IDH1: variants seen among roughly 807,000 people sequenced by gnomAD.
IDH1 encodes the protein isocitrate dehydrogenase [NADP] cytoplasmic.
IDH1 carries 33 observed loss-of-function variants against 46.1 expected under a neutral mutation model. That is an observed-to-expected ratio of 0.72 (90% CI 0.54 to 0.96). IDH1 has a LOEUF of 0.96. Ranked by LOEUF, IDH1 falls within the 40% of genes least tolerant of loss-of-function variation. IDH1 has a pLI of 0.00. For missense variants in IDH1, 421 were observed against 515.7 expected, an observed-to-expected ratio of 0.82 and a Z score of 1.78; for synonymous variants, 144 against 172.8, an observed-to-expected ratio of 0.83 and a Z score of 1.31.
intron 8 of IDH1, 127 bp downstream of exon 8, chr2:208,239,736 T>A: frequency 1.1e-6 from 1 of 880,916 alleles, no homozygotes. Flanking sequence ...AAATAGATCT[T>A]ACTAGTAGAA....
intron 7 of IDH1, 40 bp from the exon 8 acceptor site, chr2:208,240,043 T>C (rs750036692): frequency 6.2e-7 from 1 of 1,609,328 alleles, no homozygotes; most frequent in Non-Finnish European, 8.5e-7. Flanking sequence ...TCCAACTGCA[T>C]GAAGAGCACT....
intron 2 of IDH1, among the ~76,000 whole-genome samples, chr2:208,253,470 A>G (rs1435640486): frequency 2.0e-5 from 3 of 152,212 alleles, no homozygotes; most frequent in African/African-American, 7.2e-5. Context: ...TCTCCAACCC[A>G]ATCCCAACTT....
At chr2:208,245,247 A>G in intron 5 of IDH1, 72 bp downstream of exon 5, 1 of 863,018 alleles carries the variant, frequency 1.2e-6, no homozygotes, top group African/African-American at 1.7e-5. Flanking sequence ...TAACTAACAA[A>G]AAAAGCAATA....
intron 6 of IDH1, 100 bp downstream of exon 6, chr2:208,243,327 C>T: frequency 1.0e-6 from 1 of 961,546 alleles, no homozygotes; most frequent in Non-Finnish European, 1.6e-6. Context: ...GATTTTCACT[C>T]AATTTACCCA....
intron 3 of IDH1, among the ~76,000 whole-genome samples, chr2:208,248,986 A>G (rs1320658078): frequency 6.6e-6 from 1 of 152,212 alleles, no homozygotes; most frequent in African/African-American, 2.4e-5. Context: ...GTTTCTCTCC[A>G]TATAATTAGT....
chr2:208,246,434 A>G (rs1688023699), intron 4 of IDH1, among the ~76,000 whole-genome samples: 1 of 152,184 alleles, frequency 6.6e-6, no homozygotes, highest in Non-Finnish European at 1.5e-5. Context: ...TTTGACATAT[A>G]AAATCCATAA....
intron 4 of IDH1, among the ~76,000 whole-genome samples, chr2:208,245,685 AAGCCACTTTCCTTTAGG>A (rs1406035382): frequency 5.9e-5 from 9 of 151,654 alleles, no homozygotes; most frequent in Admixed American, 5.9e-4. Flanking sequence ...AGAATAACAT[AAGCCACTTTCCTTTAGG>A]AAGTTTACAA....
chr2:208,242,032 T>A lies in IDH1; in HGVS notation c.812A>T (p.Asn271Ile). The change falls in exon 7 of 10, where the codon AAC (asparagine) becomes ATC (isoleucine). Residue 271 changes from asparagine (N) to isoleucine (I), a missense_variant. Asn to Ile is a moderately radical substitution (Grantham distance 149). Transcript: ENST00000345146. ...SEGGFIWACK[N>I]YDGDVQSDSV... ...GTCCGACTGCACGTCACCATCATAG[T>A]TTTTACAGGCCCAGATGAAGCCTCC... 1 of 1,612,850 alleles carries A rather than the reference T, an allele frequency of 6.2e-7. No individual in the cohort carries two copies. The highest frequency in any genetic ancestry group is 1.1e-5 in the South Asian group (1 of 91,012).
intron 5 of IDH1, among the ~76,000 whole-genome samples, chr2:208,244,390 A>T (rs898360846): frequency 6.6e-6 from 1 of 152,230 alleles, no homozygotes; most frequent in African/African-American, 2.4e-5. Flanking sequence ...AATTCCCAAC[A>T]TCTATTTTAA....
intron 4 of IDH1, 150 bp downstream of exon 4, chr2:208,248,219 T>C: frequency 1.5e-6 from 1 of 670,342 alleles, no homozygotes; most frequent in Non-Finnish European, 2.6e-6. Flanking sequence ...TGTGTAAATA[T>C]ACAGTTATAC....
In IDH1 at chr2:208,240,094, T is replaced by C. The variant is rs544639859; in HGVS notation, c.851-91A>G. Reference sequence around the variant, plus strand: ...GAGAGCATAAATGACTCAATCTTGATAGGTCTTGGTAAGCAAAGTAAACAA... The same window carrying C: ...GAGAGCATAAATGACTCAATCTTGACAGGTCTTGGTAAGCAAAGTAAACAA... On this transcript the variant is annotated intron_variant, in intron 7 of 9. Coordinates refer to ENST00000345146, the MANE Select transcript of IDH1 (RefSeq NM_005896.4). 31 of 1,374,138 alleles carry C rather than the reference T, an allele frequency of 2.3e-5. No individual in the cohort carries two copies. In the East Asian group the frequency reaches 2.3e-4, roughly 10 times the overall value. The allele number at this position is 1,374,138 out of a possible 1,614,324, so 85.1% of individuals were successfully genotyped here.
intron 6 of IDH1, 77 bp downstream of exon 6, chr2:208,243,350 T>C (rs1024294051): frequency 2.8e-6 from 3 of 1,084,624 alleles, no homozygotes; most frequent in East Asian, 2.4e-5. Context: ...ATCATAGGGA[T>C]AGGGAGATAC....
chr2:208,252,547 T>A (rs756508327), intron 2 of IDH1, among the ~76,000 whole-genome samples: 2 of 152,226 alleles, frequency 1.3e-5, no homozygotes, highest in African/African-American at 2.4e-5. Context: ...AGTTATCTAT[T>A]CCTTCTAATG....
At chr2:208,254,670 C>CG in intron 1 of IDH1, among the ~76,000 whole-genome samples, 1 of 152,194 alleles carries the variant, frequency 6.6e-6, no homozygotes, top group East Asian at 1.9e-4. Context: ...TTCCCCTTGT[C>CG]GTTGCATCCA....
At position 208,245,700 on chromosome 2, in the gene IDH1, A is replaced by T. The variant is rs139308205; in HGVS notation, c.415-276T>A. On this transcript the variant is annotated intron_variant, in intron 4 of 9. Coordinates refer to ENST00000345146, the MANE Select transcript of IDH1 (RefSeq NM_005896.4). ...AGAATAACATAAGCCACTTTCCTTT[A>T]GGAAGTTTACAACCCTATAAAGACA... Among the ~76,000 whole-genome samples the T allele has an allele frequency of 3.5e-3, 524 of 151,526 alleles. 3 individuals carry two copies. Among genetic ancestry groups the T allele is most frequent in the African/African-American group, 0.012 (500 of 41,382 alleles).
rs773617210 is a variant in IDH1, at chr2:208,243,522, C to T, written c.603G>A (p.Leu201=). ...TCAGATACAAAGGCCAACCCTTAGACAGAGCCATTTGGAAGGAACTGTGTG... is the reference window on the plus strand; with the variant it reads ...TCAGATACAAAGGCCAACCCTTAGATAGAGCCATTTGGAAGGAACTGTGTG... ...DFAHSSFQMA[L]SKGWPLYLST... is the part of the protein sequence containing the mutation. The change falls in exon 6 of 10, where the codon CTG becomes CTA. Residue 201 remains leucine (L), a synonymous_variant. Transcript: ENST00000345146. 3 of 1,613,812 alleles carry T rather than the reference C, an allele frequency of 1.9e-6. No individual in the cohort carries two copies. Among genetic ancestry groups the T allele is most frequent in the African/African-American group, 2.7e-5 (2 of 74,930 alleles).
At chr2:208,248,971 G>T (rs1688073725) in intron 3 of IDH1, among the ~76,000 whole-genome samples, 1 of 152,082 alleles carries the variant, frequency 6.6e-6, no homozygotes, top group Admixed American at 6.6e-5. Flanking sequence ...GGCAATAATG[G>T]CCTGGTTTCT....
At chr2:208,249,777 T>C (rs1026704247) in intron 3 of IDH1, among the ~76,000 whole-genome samples, 2 of 152,330 alleles carry the variant, frequency 1.3e-5, no homozygotes, top group African/African-American at 4.8e-5. Flanking sequence ...TTCCAACTGC[T>C]TCGACTTTAG....
At position 208,248,573 on chromosome 2, in the gene IDH1, G is replaced by T. The variant is rs1316446586; in HGVS notation, c.210C>A (p.Gly70=). 6.2e-7 allele frequency: 1 copy of T among 1,614,028 alleles called. No individual in the cohort carries two copies. The highest frequency in any genetic ancestry group is 8.5e-7 in the Non-Finnish European group (1 of 1,179,934). Residue 70 remains glycine (G), a synonymous_variant, in exon 4 of 10, where the codon GGC becomes GGA. Transcript: ENST00000345146. The stretch of plus-strand genomic sequence containing the variant: ...CAGGAGTGATAGTGGCACATTTGAC[G>T]CCAACATTATGCTTCTTTATAGCTT... ...AAEAIKKHNV[G]VKCATITPDE... is the part of the protein sequence containing the mutation.
Sources: allele counts gnomAD v4.1 joint callset (sites outside exome capture counted in the v4.1 genomes callset), GRCh38; gene constraint gnomAD v4.1.1; transcripts MANE v1.5; gene names NCBI Gene and HGNC (gene_info 2026-07-23, HGNC 2026-07-21).